Variants in HENMT1 observed in about 807,000 individuals in gnomAD.
HENMT1 encodes HEN methyltransferase 1, also known as small RNA 2'-O-methyltransferase.
Under a neutral mutation model 31.1 loss-of-function variants are expected in HENMT1, and 27 were observed. The ratio of observed to expected loss-of-function variants is 0.87; its 90% CI spans 0.64 to 1.20. The LOEUF (loss-of-function observed/expected upper bound fraction) is 1.20, where lower values mean the gene tolerates loss of function less well. Among genes scored for constraint, HENMT1 ranks in the 50% most tolerant of loss-of-function variants. The pLI, the probability that HENMT1 is intolerant of heterozygous loss-of-function variation, is 0.00. For missense variants in HENMT1, 438 were observed against 469.6 expected, an observed-to-expected ratio of 0.93 and a Z score of 0.62; for synonymous variants, 167 against 172.2, an observed-to-expected ratio of 0.97 and a Z score of 0.24.
intron 2 of HENMT1, 59 bp downstream of exon 2, chr1:108,659,805 A>G (rs1452116235): frequency 2.8e-6 from 3 of 1,090,130 alleles, no homozygotes; most frequent in Non-Finnish European, 4.1e-6. Flanking sequence ...ATTATCTCAC[A>G]ATACATCCAG....
intron 4 of HENMT1, 108 bp from the exon 5 acceptor site, chr1:108,654,958 A>G: frequency 8.9e-7 from 1 of 1,126,812 alleles, no homozygotes. Context: ...CTATTGATAT[A>G]AGTCTGACAC....
intron 5 of HENMT1, among the ~76,000 whole-genome samples, chr1:108,654,003 T>C (rs1658139069): frequency 6.6e-6 from 1 of 152,238 alleles, no homozygotes; most frequent in African/African-American, 2.4e-5. Flanking sequence ...TTTCTTCCAG[T>C]ACTTTCATAG....
chr1:108,660,000 C>G, intron 1 of HENMT1, 38 bp from the exon 2 acceptor site: 1 of 1,173,432 alleles, frequency 8.5e-7, no homozygotes, highest in Admixed American at 3.2e-5. Flanking sequence ...AAAGCGATAC[C>G]TGAAAGAAAT....
At chr1:108,650,459 G>A in intron 6 of HENMT1, 71 bp from the exon 7 acceptor site, 2 of 1,347,296 alleles carry the variant, frequency 1.5e-6, no homozygotes. Context: ...AACCATTTCT[G>A]GTCAGCAGTA....
Position 108,648,607 on chromosome 1 carries a change from C to A in HENMT1, c.1141G>T (p.Ala381Ser). ...TCATCAAAATAATTACGCAGGTCAG[C>A]CACCACTGCAGAACCATCACTGCTC... ...PLSSDGSAVV[A>S]DLRNYFDEQF... is the part of the protein sequence containing the mutation. The change falls in exon 8 of 8, where the codon GCT becomes TCT. Residue 381 changes from alanine to serine, a missense_variant. Coordinates refer to ENST00000651461, the MANE Select transcript of HENMT1 (RefSeq NM_001102592.2). 3 of 1,614,144 alleles carry A rather than the reference C, an allele frequency of 1.9e-6. No individual in the cohort carries two copies. The highest frequency in any genetic ancestry group is 2.5e-6 in the Non-Finnish European group (3 of 1,179,968).
intron 2 of HENMT1, among the ~76,000 whole-genome samples, chr1:108,659,557 A>G (rs1046556596): frequency 6.6e-6 from 1 of 152,154 alleles, no homozygotes; most frequent in Non-Finnish European, 1.5e-5. Flanking sequence ...ACCTCCTTAA[A>G]CAGAATCTGC....
chr1:108,654,231 C>A (rs1422159867), intron 5 of HENMT1, among the ~76,000 whole-genome samples: 1 of 152,052 alleles, frequency 6.6e-6, no homozygotes, highest in East Asian at 1.9e-4. Flanking sequence ...CTATTCTGTT[C>A]CATTGGTCTA....
rs1379798265 is a variant in HENMT1 at position 108,650,253 on chromosome 1, T to C, written c.714A>G (p.Glu238=). ...GATCATGCTGCTCTGAAAGACATGA[T>C]TCTGTTGCCTTTCCTCCATTTTTCC... ...IFRKNGGKAT[E]SCLSEQHDQH... Residue 238 remains glutamate, a synonymous_variant, in exon 7 of 8, where the codon GAA becomes GAG. Transcript: ENST00000651461. 6.2e-7 allele frequency: 1 copy of C among 1,614,038 alleles called. No homozygotes were observed. Among genetic ancestry groups the C allele is most frequent in the Admixed American group, 1.7e-5 (1 of 60,002 alleles).
upstream of HENMT1, chr1:108,661,102 A>C: frequency 1.6e-6 from 1 of 634,844 alleles, no homozygotes; most frequent in Non-Finnish European, 2.0e-6. Flanking sequence ...CCGCGCACGC[A>C]CGGCCTCGCT....
rs530137119 is a variant in HENMT1 at position 108,655,050 on chromosome 1, A to C, written c.264-200T>G. Among the ~76,000 whole-genome samples, 3 of 152,308 alleles carry C rather than the reference A, an allele frequency of 2.0e-5. No homozygotes were observed. The South Asian group carries it at 6.2e-4, about 32-fold the overall frequency. On this transcript the variant is annotated intron_variant, in intron 4 of 7. Coordinates refer to ENST00000651461, the MANE Select transcript of HENMT1 (RefSeq NM_001102592.2). ...CACAGTGGGAAGTTACTGGCCAATG[A>C]AAAAAAGACTGAATATTTAATATTG...
At chr1:108,649,630 T>G (rs770161885) in intron 7 of HENMT1, among the ~76,000 whole-genome samples, 1 of 152,030 alleles carries the variant, frequency 6.6e-6, no homozygotes, top group Non-Finnish European at 1.5e-5. Context: ...TAAATAAAAT[T>G]TTTAAAGAGG....
rs201238131 is a variant in HENMT1, at chr1:108,654,844, C to T, written c.270G>A (p.Ser90=). Residue 90 remains serine (S), a synonymous_variant, in exon 5 of 8, where the codon TCG becomes TCA. Transcript: ENST00000651461. ...GAAAATCCCCCAGGAAAGGAGCTAA[C>T]GAATCCCTGCAAAATAATTATTGAA... ...NEDKLRWRGD[S]LAPFLGDFLK... is the part of the protein sequence containing the mutation. The T allele has an allele frequency of 1.4e-5, 22 of 1,614,010 alleles. 1 individual carries two copies. The highest frequency in any genetic ancestry group is 4.4e-5 in the South Asian group (4 of 91,078).
chr1:108,658,044 T>TACAC lies in HENMT1; in HGVS notation c.22-466_22-465insGTGT, dbSNP rs1472094533. 3.4e-5 allele frequency among the ~76,000 whole-genome samples: 4 copies of TACAC among 117,026 alleles called. No homozygotes were observed. The East Asian group carries it at 9.4e-4, about 27-fold the overall frequency. The allele number at this position is 117,026 out of a possible 152,430, so 76.8% of individuals were successfully genotyped here. On this transcript the variant is annotated intron_variant, in intron 2 of 7. Coordinates refer to ENST00000651461, the MANE Select transcript of HENMT1 (RefSeq NM_001102592.2). ...ACACACTTACACACACACACATATA[T>TACAC]ATACACACACACACACATATATATG... is the stretch of plus-strand genomic sequence containing the variant.
chr1:108,654,887 A>C (rs1658171009), intron 4 of HENMT1, 37 bp from the exon 5 acceptor site: 1 of 1,607,024 alleles, frequency 6.2e-7, no homozygotes. Flanking sequence ...TCTGAACATT[A>C]TCTATTTAAA....
At position 108,648,996 on chromosome 1, in the gene HENMT1, A is replaced by G. The variant is rs550392138; in HGVS notation, c.757-5T>C. 3.4e-5 allele frequency: 53 copies of G among 1,565,584 alleles called. No individual in the cohort carries two copies. The African/African-American group carries it at 6.7e-4, about 20-fold the overall frequency. On this transcript the variant is annotated splice_polypyrimidine_tract_variant and splice_region_variant and intron_variant, in intron 7 of 7. Transcript: ENST00000651461. ...TGGGTATGAGGTGGTAAAAACCTGAAGGGAAAAAACAAAACACTTACAAGT... is the reference window on the plus strand; with the variant it reads ...TGGGTATGAGGTGGTAAAAACCTGAGGGGAAAAAACAAAACACTTACAAGT...
chr1:108,650,411 A>G lies in HENMT1; in HGVS notation c.579-23T>C, dbSNP rs761578311. The G allele has an allele frequency of 2.5e-6, 4 of 1,596,052 alleles. No homozygotes were observed. The South Asian group carries it at 4.5e-5, about 18-fold the overall frequency. On this transcript the variant is annotated intron_variant, in intron 6 of 7. Coordinates refer to ENST00000651461, the MANE Select transcript of HENMT1 (RefSeq NM_001102592.2). ...GCCCTGAAACCAAAACGAGGACAGC[A>G]ATCATTTTTCTAAATGTAGAGCTAC...
chr1:108,655,073 T>C (rs981367273), intron 4 of HENMT1, among the ~76,000 whole-genome samples: 1 of 152,202 alleles, frequency 6.6e-6, no homozygotes, highest in Non-Finnish European at 1.5e-5. Flanking sequence ...ATATTTAATA[T>C]TGTTATATTG....
chr1:108,657,376 T>C, intron 3 of HENMT1, 75 bp downstream of exon 3: 1 of 1,059,756 alleles, frequency 9.4e-7, no homozygotes. Context: ...TCCATACTAA[T>C]CCATTTGACA....
rs749036639 is a variant in HENMT1, at chr1:108,655,653, T to C, written c.196A>G (p.Lys66Glu). ...CGDTSLLRLLKVNPCIELLVG... is the reference protein window; with the variant it reads ...CGDTSLLRLLEVNPCIELLVG... Reference sequence around the variant, plus strand: ...AGCAATTCAATGCATGGATTGACTTTTAGCAGCCTTAAGAGTGAAGTATCA... The same window carrying C: ...AGCAATTCAATGCATGGATTGACTTCTAGCAGCCTTAAGAGTGAAGTATCA... Residue 66 changes from lysine to glutamate, a missense_variant, in exon 4 of 8, where the codon AAA (lysine) becomes GAA (glutamate). Coordinates refer to ENST00000651461, the MANE Select transcript of HENMT1 (RefSeq NM_001102592.2). 3.1e-6 allele frequency: 5 copies of C among 1,613,116 alleles called. No individual in the cohort carries two copies. Among genetic ancestry groups the C allele is most frequent in the Admixed American group, 1.7e-5 (1 of 59,800 alleles).
Sources: allele counts gnomAD v4.1 joint callset (sites outside exome capture counted in the v4.1 genomes callset), GRCh38; gene constraint gnomAD v4.1.1; transcripts MANE v1.5; gene names NCBI Gene and HGNC (gene_info 2026-07-23, HGNC 2026-07-21).